Variants in WWOX observed in about 807,000 individuals in gnomAD.
The protein encoded by WWOX is WW domain containing oxidoreductase, also known as WW domain-containing oxidoreductase.
In WWOX, 69 loss-of-function variants were observed where a neutral mutation model predicts 46.2. The ratio of observed to expected loss-of-function variants is 1.49; its 90% CI spans 1.23 to 1.82. The LOEUF (loss-of-function observed/expected upper bound fraction) is 1.82. Ranked by LOEUF, WWOX falls within the 40% of genes most tolerant of loss-of-function variation. The probability of loss-of-function intolerance (pLI) is 0.00; values close to 1 mark genes in which losing one functional copy is unlikely to be tolerated. For synonymous variants in WWOX, 359 were observed against 202.6 expected (o/e 1.77, Z -6.56); for missense variants, 919 against 542.6 (o/e 1.69, Z -6.89).
At chr16:79,061,504 G>A (rs1007429919) in intron 8 of WWOX, among the ~76,000 whole-genome samples, 4 of 152,156 alleles carry the variant, frequency 2.6e-5, no homozygotes, top group Admixed American at 6.5e-5. Context: ...TTTACCTGCG[G>A]GGATACCCAT....
chr16:78,419,162 C>T (rs755159492), intron 6 of WWOX, among the ~76,000 whole-genome samples: 11 of 152,152 alleles, frequency 7.2e-5, no homozygotes, highest in Non-Finnish European at 1.5e-4. Flanking sequence ...GCAATGAAGG[C>T]ATCCCATGTT....
chr16:79,155,454 G>C (rs946045994), intron 8 of WWOX, among the ~76,000 whole-genome samples: 5 of 152,050 alleles, frequency 3.3e-5, no homozygotes, highest in African/African-American at 1.2e-4. Flanking sequence ...ACAAAATTGA[G>C]GTTATTATGT....
At chr16:78,649,329 A>G (rs2046914246) in intron 8 of WWOX, among the ~76,000 whole-genome samples, 1 of 151,402 alleles carries the variant, frequency 6.6e-6, no homozygotes, top group African/African-American at 2.4e-5. Flanking sequence ...TGTTTACCAG[A>G]TTGGAGTGCA....
chr16:78,596,211 C>T (rs747546392), intron 8 of WWOX, among the ~76,000 whole-genome samples: 48 of 152,144 alleles, frequency 3.2e-4, no homozygotes, highest in Non-Finnish European at 5.0e-4. Context: ...TATCCAAAGT[C>T]ACCCTGTATG....
intron 8 of WWOX, among the ~76,000 whole-genome samples, chr16:78,948,906 G>A (rs539820535): frequency 6.6e-6 from 1 of 152,168 alleles, no homozygotes; most frequent in Admixed American, 6.5e-5. Flanking sequence ...GTGGACAAGA[G>A]AATCGGAGAG....
chr16:78,840,240 T>A (rs1262624278), intron 8 of WWOX, among the ~76,000 whole-genome samples: 1 of 152,206 alleles, frequency 6.6e-6, no homozygotes, highest in Non-Finnish European at 1.5e-5. Flanking sequence ...CTGTGCACAT[T>A]CTTGACTCTG....
intron 8 of WWOX, among the ~76,000 whole-genome samples, chr16:79,049,758 C>G (rs992447922): frequency 6.6e-6 from 1 of 150,932 alleles, no homozygotes; most frequent in South Asian, 2.1e-4. Flanking sequence ...TTGCTTGAAC[C>G]TGGGAGGTGG....
At chr16:78,789,742 C>T (rs895422584) in intron 8 of WWOX, among the ~76,000 whole-genome samples, 1 of 152,158 alleles carries the variant, frequency 6.6e-6, no homozygotes, top group African/African-American at 2.4e-5. Flanking sequence ...CTCTTGTGAG[C>T]CACGGTTGGC....
intron 4 of WWOX, among the ~76,000 whole-genome samples, chr16:78,150,764 G>A (rs1229701785): frequency 6.6e-6 from 1 of 152,226 alleles, no homozygotes; most frequent in Non-Finnish European, 1.5e-5. Flanking sequence ...TCAATCTCCA[G>A]CCCCTCCTCT....
intron 8 of WWOX, among the ~76,000 whole-genome samples, chr16:78,725,121 T>C (rs2048794009): frequency 6.6e-6 from 1 of 152,034 alleles, no homozygotes; most frequent in Non-Finnish European, 1.5e-5. Flanking sequence ...GGGTAGTGAA[T>C]GAATCTCATG....
intron 8 of WWOX, among the ~76,000 whole-genome samples, chr16:78,828,775 T>C (rs1457996418): frequency 1.3e-5 from 2 of 152,190 alleles, no homozygotes; most frequent in Non-Finnish European, 2.9e-5. Context: ...TTATTATTTC[T>C]CTATTGCAAT....
intron 8 of WWOX, among the ~76,000 whole-genome samples, chr16:79,007,191 C>T (rs903134479): frequency 6.6e-6 from 1 of 151,978 alleles, no homozygotes; most frequent in Admixed American, 6.6e-5. Context: ...AAGAAGTCAA[C>T]GAGAAAGTCA....
chr16:79,153,973 C>A (rs964812973), intron 8 of WWOX, among the ~76,000 whole-genome samples: 1 of 152,104 alleles, frequency 6.6e-6, no homozygotes, highest in African/African-American at 2.4e-5. Flanking sequence ...TGATGCTAGC[C>A]ATGGATGCAC....
At position 79,212,416 on chromosome 16, in the gene WWOX, C is replaced by A; in HGVS notation, c.*620C>A. 2 of 375,548 alleles carry A rather than the reference C, an allele frequency of 5.3e-6. No individual in the cohort carries two copies. Among genetic ancestry groups the A allele is most frequent in the Non-Finnish European group, 4.8e-6 (1 of 209,982 alleles). The allele number at this position is 375,548 out of a possible 1,614,324, so 23.3% of individuals were successfully genotyped here. On this transcript the variant is annotated 3_prime_UTR_variant, in exon 9 of 9. Coordinates refer to ENST00000566780, the MANE Select transcript of WWOX (RefSeq NM_016373.4). Reference sequence around the variant, plus strand: ...AAAGTACTTGTCATAGACTCCTTTGCTAATGCTATGCAAAAAATTCTTTAG... The same window carrying A: ...AAAGTACTTGTCATAGACTCCTTTGATAATGCTATGCAAAAAATTCTTTAG...
chr16:78,451,555 T>A (rs771215998), intron 8 of WWOX, among the ~76,000 whole-genome samples: 8 of 152,208 alleles, frequency 5.3e-5, no homozygotes, highest in Non-Finnish European at 7.3e-5. Flanking sequence ...AGTGACCTGC[T>A]GGCCAGCCAC....
At chr16:78,289,052 G>C (rs1360461092) in intron 5 of WWOX, among the ~76,000 whole-genome samples, 3 of 152,182 alleles carry the variant, frequency 2.0e-5, no homozygotes, top group African/African-American at 7.2e-5. Context: ...ACAGCTGGTA[G>C]AGCGAGAGTC....
At chr16:78,708,390 C>T (rs904720764) in intron 8 of WWOX, among the ~76,000 whole-genome samples, 4 of 152,130 alleles carry the variant, frequency 2.6e-5, no homozygotes, top group Non-Finnish European at 4.4e-5. Flanking sequence ...ATTTGCTAGA[C>T]GTAGCACCTA....
At chr16:79,007,343 A>G (rs1339086817) in intron 8 of WWOX, among the ~76,000 whole-genome samples, 1 of 152,216 alleles carries the variant, frequency 6.6e-6, no homozygotes, top group Non-Finnish European at 1.5e-5. Context: ...AGGGCTCATG[A>G]TGTGAAGAAC....
chr16:79,176,468 G>C (rs148511614), intron 8 of WWOX, among the ~76,000 whole-genome samples: 169 of 152,316 alleles, frequency 1.1e-3, no homozygotes, highest in African/African-American at 3.6e-3. Context: ...TTGTTAAGAA[G>C]CTGGCAGTCT....
Sources: allele counts gnomAD v4.1 joint callset (sites outside exome capture counted in the v4.1 genomes callset), GRCh38; gene constraint gnomAD v4.1.1; transcripts MANE v1.5; gene names NCBI Gene and HGNC (gene_info 2026-07-23, HGNC 2026-07-21).